Variants in EYA1 observed in about 807,000 individuals in gnomAD.
The protein encoded by EYA1 is EYA transcriptional coactivator and phosphatase 1.
A neutral mutation model predicts 82.0 loss-of-function variants in EYA1; 16 were observed. The observed-to-expected ratio is 0.20, with a 90% CI of 0.13 to 0.30. The LOEUF is 0.30. EYA1 is among the 10% of genes least tolerant of loss of function. EYA1 has a pLI of 1.00. For missense variants in EYA1, 633 were observed against 730.7 expected, an observed-to-expected ratio of 0.87 and a Z score of 1.54; for synonymous variants, 261 against 264.4, an observed-to-expected ratio of 0.99 and a Z score of 0.12.
chr8:71,342,862 C>T (rs554733901), intron 3 of EYA1, among the ~76,000 whole-genome samples: 294 of 152,216 alleles, frequency 1.9e-3, no homozygotes, highest in African/African-American at 6.7e-3. Flanking sequence ...TTTAAAAAGT[C>T]TTATCTGCCT....
chr8:71,281,175 C>T (rs1004237650), intron 9 of EYA1, among the ~76,000 whole-genome samples: 1 of 152,020 alleles, frequency 6.6e-6, no homozygotes, highest in Non-Finnish European at 1.5e-5. Context: ...CTAATCTACC[C>T]ATACTACTCT....
chr8:71,299,416 C>T (rs1020241287), intron 8 of EYA1, among the ~76,000 whole-genome samples, 183 bp from the exon 9 acceptor site: 3 of 152,176 alleles, frequency 2.0e-5, no homozygotes, highest in Non-Finnish European at 2.9e-5. Flanking sequence ...AGATTATACA[C>T]ATTCTTCATA....
rs1452602707 is a variant in EYA1 at position 71,217,121 on chromosome 8, A to G, written c.1141-98T>C. 7 of 893,146 alleles carry G rather than the reference A, an allele frequency of 7.8e-6. No homozygotes were observed. The African/African-American group carries it at 1.0e-4, about 13-fold the overall frequency. 55.3% of individuals were successfully genotyped at this position (893,146 alleles called of 1,614,324 possible). A position where few individuals can be genotyped will look rare whatever the true frequency, so the allele number is the denominator to read the frequency against. ...CCATACATATTTTTTAAAGCACCTT[A>G]ATTGGAGGATTTTTCAACTATGTCA... On this transcript the variant is annotated intron_variant, in intron 12 of 17. Coordinates refer to ENST00000340726, the MANE Select transcript of EYA1 (RefSeq NM_000503.6).
chr8:71,508,222 T>C (rs1160421818), intron 2 of EYA1, among the ~76,000 whole-genome samples: 1 of 152,206 alleles, frequency 6.6e-6, no homozygotes, highest in Admixed American at 6.5e-5. Flanking sequence ...TCTTCAGTCA[T>C]ACTATGTAAG....
rs1213062477 is a variant in EYA1, at chr8:71,450,850, A to T, written c.33+84894T>A. Among the ~76,000 whole-genome samples, 3 of 152,236 alleles carry T rather than the reference A, an allele frequency of 2.0e-5. No homozygotes were observed. The East Asian group carries it at 5.8e-4, about 29-fold the overall frequency. On this transcript the variant is annotated intron_variant, in intron 2 of 18. Transcript: ENST00000643681. ...TGGAATTAGCCAAAATTATAACCAT[A>T]AATGCATGGGCTAAAATGGAATTAC... is the stretch of plus-strand genomic sequence containing the variant.
chr8:71,489,360 T>C (rs1810819039), intron 2 of EYA1, among the ~76,000 whole-genome samples: 1 of 152,222 alleles, frequency 6.6e-6, no homozygotes, highest in Non-Finnish European at 1.5e-5. Flanking sequence ...TGTACTATTA[T>C]TGTACTATTT....
chr8:71,305,664 A>C (rs1304637447), intron 7 of EYA1, among the ~76,000 whole-genome samples: 2 of 151,726 alleles, frequency 1.3e-5, no homozygotes, highest in African/African-American at 2.4e-5. Flanking sequence ...TAAATAAATA[A>C]ATAAATAAAT....
intron 9 of EYA1, among the ~76,000 whole-genome samples, chr8:71,295,033 T>C (rs891313980): frequency 6.6e-6 from 1 of 152,120 alleles, no homozygotes; most frequent in South Asian, 2.1e-4. Context: ...TGCACATCCA[T>C]ATGCAAAAAA....
chr8:71,258,774 C>A (rs1188620870), intron 11 of EYA1, among the ~76,000 whole-genome samples: 1 of 152,174 alleles, frequency 6.6e-6, no homozygotes, highest in African/African-American at 2.4e-5. Flanking sequence ...GATATTTGAT[C>A]TTAACTATCT....
At chr8:71,440,110 T>G (rs1806303965) in intron 2 of EYA1, among the ~76,000 whole-genome samples, 1 of 152,204 alleles carries the variant, frequency 6.6e-6, no homozygotes, top group Non-Finnish European at 1.5e-5. Flanking sequence ...GAAAGTCATC[T>G]GAGGCAAATG....
At chr8:71,530,328 G>A (rs1313091876) in intron 2 of EYA1, among the ~76,000 whole-genome samples, 3 of 152,150 alleles carry the variant, frequency 2.0e-5, no homozygotes, top group African/African-American at 7.2e-5. Context: ...GAGGGAGCAT[G>A]GCCCTGCTAA....
chr8:71,271,801 C>T lies in EYA1; in HGVS notation c.923G>A (p.Arg308Gln), dbSNP rs369822742. 197 of 1,614,156 alleles carry T rather than the reference C, an allele frequency of 1.2e-4. 1 individual carries two copies. In the South Asian group the frequency reaches 1.8e-3, roughly 15 times the overall value. The part of the protein sequence containing the change: ...GSDGKSRGRG[R>Q]RNNNPSPPPD... ...GGGAGGTGAAGGATTATTGTTTCTT[C>T]GGCCCCGTCCACGTGATTTCCCATC... Residue 308 changes from arginine (R) to glutamine (Q), a missense_variant, in exon 10 of 18, where the codon CGA (arginine) becomes CAA (glutamine). Transcript: ENST00000340726.
At chr8:71,450,745 G>C (rs1462658332) in intron 2 of EYA1, among the ~76,000 whole-genome samples, 1 of 152,100 alleles carries the variant, frequency 6.6e-6, no homozygotes, top group African/African-American at 2.4e-5. Flanking sequence ...ATAAAATGAG[G>C]TATTCCTGTA....
At chr8:71,472,902 T>C (rs1273125951) in intron 2 of EYA1, among the ~76,000 whole-genome samples, 2 of 150,844 alleles carry the variant, frequency 1.3e-5, no homozygotes, top group Non-Finnish European at 2.9e-5. Context: ...CTAAAAACAC[T>C]GTATAATTGG....
chr8:71,461,197 A>G (rs1808336300), intron 2 of EYA1, among the ~76,000 whole-genome samples: 1 of 152,126 alleles, frequency 6.6e-6, no homozygotes, highest in Non-Finnish European at 1.5e-5. Flanking sequence ...AGAGGCACCC[A>G]AATTTTGCTT....
intron 7 of EYA1, among the ~76,000 whole-genome samples, chr8:71,307,340 TG>T (rs1820841094): frequency 6.6e-6 from 1 of 152,172 alleles, no homozygotes; most frequent in South Asian, 2.1e-4. Flanking sequence ...TGTCTCACTC[TG>T]TCACCCAGGC....
rs115491950 is a variant in EYA1 at position 71,302,319 on chromosome 8, T to C, written c.557-2599A>G. On this transcript the variant is annotated intron_variant, in intron 7 of 17. Coordinates refer to ENST00000340726, the MANE Select transcript of EYA1 (RefSeq NM_000503.6). Reference sequence around the variant, plus strand: ...AAATGGATGTTTTCATTCTATAAGTTATCCCCTGAAATGAAGTAGGAAAGA... The same window carrying C: ...AAATGGATGTTTTCATTCTATAAGTCATCCCCTGAAATGAAGTAGGAAAGA... Among the ~76,000 whole-genome samples, 1,205 of 152,238 alleles carry C rather than the reference T, an allele frequency of 7.9e-3. 19 individuals carry two copies. Among genetic ancestry groups the C allele is most frequent in the African/African-American group, 0.027 (1,130 of 41,538 alleles).
intron 2 of EYA1, among the ~76,000 whole-genome samples, chr8:71,394,861 G>C (rs1829495098): frequency 2.0e-5 from 3 of 152,110 alleles, no homozygotes; most frequent in Non-Finnish European, 4.4e-5. Flanking sequence ...GGATGGCATT[G>C]AATCTATAAA....
chr8:71,212,045 G>A (rs1159571233), intron 16 of EYA1, among the ~76,000 whole-genome samples: 1 of 152,154 alleles, frequency 6.6e-6, no homozygotes, highest in Non-Finnish European at 1.5e-5. Flanking sequence ...CATTCCCACA[G>A]TTAATGCAAG....
Sources: gnomAD v4.1 joint callset for allele counts (sites outside exome capture counted in the v4.1 genomes callset) on GRCh38, gnomAD v4.1.1 for gene constraint, MANE v1.5 for transcripts, NCBI Gene and HGNC (gene_info 2026-07-23, HGNC 2026-07-21) for gene names.